Variants in ZNF185 observed in about 807,000 individuals in gnomAD.
ZNF185 encodes the protein zinc finger protein 185 with LIM domain.
A neutral mutation model predicts 58.6 loss-of-function variants in ZNF185; 56 were observed. That is an observed-to-expected ratio of 0.95 (90% CI 0.77 to 1.19). ZNF185 has a LOEUF of 1.19. ZNF185 is among the 50% of genes most tolerant of loss of function. The pLI is 0.00. For missense variants in ZNF185, 627 were observed against 573.5 expected, an observed-to-expected ratio of 1.09 and a Z score of -0.95; for synonymous variants, 230 against 215.9, an observed-to-expected ratio of 1.07 and a Z score of -0.57.
chrX:152,905,716 G>T, the ZNF185 span, among the ~76,000 whole-genome samples: 4 of 108,556 alleles, frequency 3.7e-5, no homozygotes, highest in Admixed American at 9.5e-5. Flanking sequence ...ACAGGCTTGG[G>T]GGGGGGGCGG....
chrX:152,921,186 C>T (rs888381456), intron 9 of ZNF185, among the ~76,000 whole-genome samples: 1 of 111,933 alleles, frequency 8.9e-6, no homozygotes, highest in Admixed American at 9.4e-5. Context: ...ATGATCAGAA[C>T]GTCGGGATAC....
intron 18 of ZNF185, among the ~76,000 whole-genome samples, chrX:152,964,793 G>A (rs12014686): frequency 0.013 from 1,477 of 110,394 alleles, 25 homozygotes; most frequent in African/African-American, 0.046. Context: ...CATATCCAAG[G>A]GGGCCTCTGC....
At chrX:152,898,105 T>C in the ZNF185 span, among the ~76,000 whole-genome samples, 1 of 36,875 alleles carries the variant, frequency 2.7e-5, no homozygotes, top group Non-Finnish European at 7.0e-5. Flanking sequence ...CTCCCCGCTG[T>C]GCACCGCGCC....
intron 15 of ZNF185, among the ~76,000 whole-genome samples, chrX:152,942,470 C>G (rs2047331481): frequency 8.9e-6 from 1 of 111,750 alleles, no homozygotes; most frequent in Admixed American, 9.5e-5. Flanking sequence ...ATGGCCAAAT[C>G]GGTTTGTATA....
chrX:152,899,399 C>G, the ZNF185 span, among the ~76,000 whole-genome samples: 319 of 113,103 alleles, frequency 2.8e-3, 1 homozygote, highest in African/African-American at 9.9e-3. Context: ...GACACAGATG[C>G]ACAGATGAGG....
intron 16 of ZNF185, among the ~76,000 whole-genome samples, chrX:152,955,874 C>G (rs1486997376): frequency 2.8e-5 from 3 of 109,029 alleles, no homozygotes; most frequent in African/African-American, 1.0e-4. Context: ...TGCACTCCAG[C>G]CTGGTGACAG....
chrX:152,902,393 A>C, the ZNF185 span, among the ~76,000 whole-genome samples: 1 of 113,261 alleles, frequency 8.8e-6, no homozygotes, highest in Non-Finnish European at 1.9e-5. Flanking sequence ...TGATGTGGCG[A>C]AGAGTTGCTA....
chrX:152,908,595 C>T, the ZNF185 span, among the ~76,000 whole-genome samples: 1 of 112,462 alleles, frequency 8.9e-6, no homozygotes, highest in Admixed American at 9.3e-5. Context: ...CAGGCAGGCA[C>T]GGTGCAGCTG....
chrX:152,963,949 C>T (rs376632811), exon 18 of ZNF185: 45 of 1,205,264 alleles, frequency 3.7e-5, no homozygotes, highest in African/African-American at 2.4e-4. Flanking sequence ...AGCTCTACCA[C>T]GTAAGAAGGG....
chrX:152,963,338 G>C (rs1166945749), intron 17 of ZNF185, among the ~76,000 whole-genome samples: 2 of 112,958 alleles, frequency 1.8e-5, no homozygotes, highest in African/African-American at 6.4e-5. Context: ...CCTCTGCTGG[G>C]AATGAGGTGC....
At chrX:152,965,207 G>A (rs1344524872) in intron 18 of ZNF185, among the ~76,000 whole-genome samples, 2 of 112,327 alleles carry the variant, frequency 1.8e-5, no homozygotes, top group Non-Finnish European at 3.8e-5. Context: ...ATTGTCATTG[G>A]TTGCAGGAAG....
chrX:152,936,541 C>T (rs1556881968), intron 14 of ZNF185, 28 bp downstream of exon 16: 1 of 1,132,863 alleles, frequency 8.8e-7, no homozygotes, highest in Non-Finnish European at 1.2e-6. Context: ...GCCCTAGTGC[C>T]CTATCCCATT....
At chrX:152,898,183 G>A in the ZNF185 span, among the ~76,000 whole-genome samples, 4 of 109,500 alleles carry the variant, frequency 3.7e-5, no homozygotes, top group East Asian at 8.8e-4. Context: ...GAGGGAGCCC[G>A]CGCCCTGCGA....
chrX:152,938,750 C>G (rs1439012566), intron 15 of ZNF185, among the ~76,000 whole-genome samples: 2 of 109,950 alleles, frequency 1.8e-5, no homozygotes, highest in South Asian at 4.0e-4. Context: ...AGGTTTATGC[C>G]TAATTACAAC....
intron 21 of ZNF185, 77 bp from the exon 24 acceptor site, chrX:152,970,366 C>T: frequency 1.0e-6 from 1 of 981,304 alleles, no homozygotes. Context: ...CCACCTTGTT[C>T]AGGCATCCCC....
chrX:152,937,798 C>G (rs186836592), intron 14 of ZNF185, among the ~76,000 whole-genome samples: 2 of 112,476 alleles, frequency 1.8e-5, no homozygotes, highest in Non-Finnish European at 3.8e-5. Flanking sequence ...TTACAGGATA[C>G]TAGAACCCAA....
At position 152,917,112 on chromosome X, in the gene ZNF185, C is replaced by T; in HGVS notation, c.225-19C>T. ...TCCAGCAAGCCTCGCTTCACTCCAC[C>T]CCTTCTTCTCTTCGGCAGGCCTCCG... On this transcript the variant is annotated intron_variant, in intron 3 of 22. Coordinates refer to ENST00000449285, the Ensembl canonical transcript of ZNF185. 1 of 1,211,638 alleles carries T rather than the reference C, an allele frequency of 8.3e-7. No individual in the cohort carries two copies. Among genetic ancestry groups the T allele is most frequent in the Non-Finnish European group, 1.1e-6 (1 of 895,412 alleles).
In ZNF185 at chrX:152,914,670, T is replaced by C. The variant is rs781991688; in HGVS notation, c.35-40T>C. ...GAAAGGAGGTCGAGGGTCCTGGGGCTGCATTCCTCTTCTGAGGCGGTTGGC... is the reference window on the plus strand; with the variant it reads ...GAAAGGAGGTCGAGGGTCCTGGGGCCGCATTCCTCTTCTGAGGCGGTTGGC... On this transcript the variant is annotated intron_variant, in intron 1 of 22. Coordinates refer to ENST00000449285, the Ensembl canonical transcript of ZNF185. 3.4e-6 allele frequency: 4 copies of C among 1,189,923 alleles called. No homozygotes were observed. The African/African-American group carries it at 7.1e-5, about 21-fold the overall frequency.
intron 14 of ZNF185, 37 bp from the exon 16 acceptor site, chrX:152,936,381 G>A (rs1333340233): frequency 9.7e-6 from 11 of 1,131,115 alleles, no homozygotes; most frequent in Non-Finnish European, 1.3e-5. Flanking sequence ...CAGACACAAA[G>A]TCCTGAACCT....
Sources: allele counts gnomAD v4.1 joint callset (sites outside exome capture counted in the v4.1 genomes callset), GRCh38; gene constraint gnomAD v4.1.1; transcripts MANE v1.5; gene names NCBI Gene and HGNC (gene_info 2026-07-23, HGNC 2026-07-21).